The following CNTNAP2 variants were observed in gnomAD, a reference collection of about 807,000 sequenced individuals.
CNTNAP2 encodes contactin-associated protein-like 2.
CNTNAP2 carries 98 observed loss-of-function variants against 155.2 expected under a neutral mutation model. The observed-to-expected ratio is 0.63, with a 90% CI of 0.54 to 0.75. CNTNAP2 has a LOEUF of 0.75. CNTNAP2 is among the 30% of genes least tolerant of loss of function. The probability of loss-of-function intolerance (pLI) is 0.00; values close to 1 mark genes in which losing one functional copy is unlikely to be tolerated. For missense variants in CNTNAP2, 1,727 were observed against 1,688.1 expected, an observed-to-expected ratio of 1.02 and a Z score of -0.40; for synonymous variants, 651 against 631.2, an observed-to-expected ratio of 1.03 and a Z score of -0.47.
chr7:146,165,129 G>A (rs1368323635), intron 1 of CNTNAP2, among the ~76,000 whole-genome samples: 1 of 151,890 alleles, frequency 6.6e-6, no homozygotes, highest in Non-Finnish European at 1.5e-5. Flanking sequence ...CTGTGATTTG[G>A]GTAAACTTTT....
chr7:146,853,933 A>G (rs1179774064), intron 3 of CNTNAP2, among the ~76,000 whole-genome samples: 2 of 152,208 alleles, frequency 1.3e-5, no homozygotes, highest in Non-Finnish European at 2.9e-5. Flanking sequence ...ACTTAATAAT[A>G]TTGAGAAATA....
chr7:146,721,889 A>ATATTTTTTTTTTTTTTTTTTTTT, intron 1 of CNTNAP2, among the ~76,000 whole-genome samples: 2 of 69,706 alleles, frequency 2.9e-5, no homozygotes, highest in African/African-American at 3.8e-4. Flanking sequence ...ATATATATAT[A>ATATTTTTTTTTTTTTTTTTTTTT]TTTTTTTTTT....
intron 11 of CNTNAP2, among the ~76,000 whole-genome samples, chr7:147,490,715 A>G (rs1490040363): frequency 6.6e-6 from 1 of 152,166 alleles, no homozygotes; most frequent in Non-Finnish European, 1.5e-5. Flanking sequence ...ATTGCGTTGG[A>G]TATGGTATTA....
rs905831356 is a variant in CNTNAP2, at chr7:147,011,606, G to A, written c.403-32301G>A. On this transcript the variant is annotated intron_variant, in intron 3 of 23. Coordinates refer to ENST00000361727, the MANE Select transcript of CNTNAP2 (RefSeq NM_014141.6). ...GAAGGCCTCAGAAGCAGCCTCGGAA[G>A]CAAAGTTTATCTCTGGCCTCCTATT... is the stretch of plus-strand genomic sequence containing the variant. 3.3e-5 allele frequency among the ~76,000 whole-genome samples: 5 copies of A among 150,918 alleles called. No homozygotes were observed. The East Asian group carries it at 7.8e-4, about 24-fold the overall frequency.
chr7:147,152,679 A>G (rs1019388355), intron 8 of CNTNAP2, among the ~76,000 whole-genome samples: 1 of 152,148 alleles, frequency 6.6e-6, no homozygotes, highest in Non-Finnish European at 1.5e-5. Flanking sequence ...GTTTAAAAAC[A>G]TTATTAGATT....
intron 3 of CNTNAP2, among the ~76,000 whole-genome samples, chr7:147,011,418 C>CA (rs759844476): frequency 0.064 from 849 of 13,180 alleles, 108 homozygotes; most frequent in African/African-American, 0.11. Context: ...CACTCCATCT[C>CA]AAAAAAAAAA....
intron 21 of CNTNAP2, 113 bp from the exon 22 acceptor site, chr7:148,383,536 T>C: frequency 6.8e-7 from 1 of 1,460,134 alleles, no homozygotes; most frequent in Non-Finnish European, 9.6e-7. Flanking sequence ...CAATGTAACA[T>C]CTTAAACTGA....
At chr7:147,879,086 C>G (rs921743566) in intron 13 of CNTNAP2, among the ~76,000 whole-genome samples, 2 of 152,160 alleles carry the variant, frequency 1.3e-5, no homozygotes, top group Admixed American at 1.3e-4. Flanking sequence ...GCAATCCTTA[C>G]AAATTCACCC....
intron 13 of CNTNAP2, among the ~76,000 whole-genome samples, chr7:147,760,243 G>A (rs1228384019): frequency 5.5e-5 from 4 of 73,202 alleles, no homozygotes; most frequent in South Asian, 4.5e-4. Flanking sequence ...TGAGCTTCAC[G>A]GGAAAAAAAA....
At chr7:147,955,672 C>T (rs1013461735) in intron 14 of CNTNAP2, among the ~76,000 whole-genome samples, 1 of 152,070 alleles carries the variant, frequency 6.6e-6, no homozygotes. Flanking sequence ...GGCCTGCTCC[C>T]CACCTCAGCT....
chr7:147,688,709 G>A (rs750161917), intron 13 of CNTNAP2, among the ~76,000 whole-genome samples: 1 of 152,112 alleles, frequency 6.6e-6, no homozygotes, highest in African/African-American at 2.4e-5. Context: ...AAAAGTTAGA[G>A]ACCACACAAG....
At chr7:148,260,249 G>C (rs1397734770) in intron 20 of CNTNAP2, among the ~76,000 whole-genome samples, 1 of 152,070 alleles carries the variant, frequency 6.6e-6, no homozygotes, top group East Asian at 1.9e-4. Context: ...TCCTAATTGA[G>C]GTGACTGGGC....
At chr7:147,699,134 G>A (rs1259107178) in intron 13 of CNTNAP2, among the ~76,000 whole-genome samples, 1 of 149,972 alleles carries the variant, frequency 6.7e-6, no homozygotes, top group Admixed American at 6.7e-5. Flanking sequence ...AGATTATAAC[G>A]ATTTAAAAAA....
chr7:146,850,614 C>T (rs998209265), intron 3 of CNTNAP2, among the ~76,000 whole-genome samples: 2 of 152,034 alleles, frequency 1.3e-5, no homozygotes, highest in African/African-American at 4.8e-5. Context: ...AGAGAAAGTA[C>T]AACTTTCCCT....
chr7:146,126,426 A>T (rs1464566265), intron 1 of CNTNAP2, among the ~76,000 whole-genome samples: 1 of 152,222 alleles, frequency 6.6e-6, no homozygotes, highest in Non-Finnish European at 1.5e-5. Context: ...AGCACATTAA[A>T]TCATAATATA....
chr7:148,258,445 TCC>T (rs1796495459), intron 20 of CNTNAP2, among the ~76,000 whole-genome samples: 1 of 152,192 alleles, frequency 6.6e-6, no homozygotes, highest in Non-Finnish European at 1.5e-5. Flanking sequence ...GATGAACGTA[TCC>T]TTGATACTGG....
At chr7:146,382,746 A>G (rs1795407839) in intron 1 of CNTNAP2, among the ~76,000 whole-genome samples, 1 of 152,202 alleles carries the variant, frequency 6.6e-6, no homozygotes, top group Non-Finnish European at 1.5e-5. Flanking sequence ...AAATAAAGTT[A>G]GCAGTCCTCA....
chr7:147,897,525 T>A (rs951936274), intron 13 of CNTNAP2, among the ~76,000 whole-genome samples: 1 of 152,182 alleles, frequency 6.6e-6, no homozygotes, highest in Non-Finnish European at 1.5e-5. Flanking sequence ...GTCAGCTTTT[T>A]GAATGCAATG....
chr7:147,469,676 G>A (rs1356364612), intron 10 of CNTNAP2, among the ~76,000 whole-genome samples: 1 of 151,728 alleles, frequency 6.6e-6, no homozygotes, highest in Admixed American at 6.6e-5. Flanking sequence ...CCGCCACCAC[G>A]CCTGGCTAAT....
Sources: allele counts gnomAD v4.1 joint callset (sites outside exome capture counted in the v4.1 genomes callset), GRCh38; gene constraint gnomAD v4.1.1; transcripts MANE v1.5; gene names NCBI Gene and HGNC (gene_info 2026-07-23, HGNC 2026-07-21).